The following HEY2 variants were observed in gnomAD, a reference collection of about 807,000 sequenced individuals.
HEY2 encodes hairy/enhancer-of-split related with YRPW motif protein 2.
A neutral mutation model predicts 18.1 loss-of-function variants in HEY2; 10 were observed. The observed-to-expected ratio is 0.55, with a 90% CI of 0.34 to 0.94. The LOEUF is 0.94. Ranked by LOEUF, HEY2 falls within the 40% of genes least tolerant of loss-of-function variation. The pLI is 0.02. For missense variants in HEY2, 455 were observed against 455.9 expected (o/e 1.00, Z 0.02); for synonymous variants, 210 against 182.7 (o/e 1.15, Z -1.21).
At position 125,749,835 on chromosome 6, in the gene HEY2, T is replaced by G. The variant is rs772929382; in HGVS notation, c.59T>G (p.Val20Gly). The G allele has an allele frequency of 6.4e-7, 1 of 1,574,632 alleles. No individual in the cohort carries two copies. The highest frequency in any genetic ancestry group is 1.2e-5 in the South Asian group (1 of 85,380). ...SESDMDETIDVGSENNYSGQS... is the reference protein window; with the variant it reads ...SESDMDETIDGGSENNYSGQS... ...AGCGACATGGACGAGACCATCGACG[T>G]GGGGAGCGAGAACAATTACTCGGGG... The change falls in exon 1 of 5, where the codon GTG becomes GGG. Residue 20 changes from valine to glycine, a missense_variant. Physicochemically the swap from Val to Gly is moderately radical, Grantham distance 109. Coordinates refer to ENST00000368364, the MANE Select transcript of HEY2 (RefSeq NM_012259.3).
Position 125,759,724 on chromosome 6 carries a change from G to C in HEY2, c.936G>C (p.Thr312=). The C allele has an allele frequency of 6.2e-7, 1 of 1,613,550 alleles. No homozygotes were observed. Among genetic ancestry groups the C allele is most frequent in the South Asian group, 1.1e-5 (1 of 91,084 alleles). ...AISPPLSVSA[T]SSPQQTSSGT... The stretch of plus-strand genomic sequence containing the variant: ...GCCCGCCCTTGTCAGTATCAGCCAC[G>C]TCCAGTCCTCAGCAGACCAGCAGTG... Residue 312 remains threonine, a synonymous_variant, in exon 5 of 5, where the codon ACG becomes ACC. Transcript: ENST00000368364.
rs1438729923 is a variant in HEY2, at chr6:125,760,737, A to G, written c.*935A>G. 1 of 152,466 alleles carries G rather than the reference A, an allele frequency of 6.6e-6. No individual in the cohort carries two copies. The highest frequency in any genetic ancestry group is 1.5e-5 in the Non-Finnish European group (1 of 68,008). 9.4% of individuals were successfully genotyped at this position (152,466 alleles called of 1,614,324 possible). Reference sequence around the variant, plus strand: ...TCATTAGGACTATTTTTATATATTTATCCTCTTCATTTTCTCCTAATGATG... The same window carrying G: ...TCATTAGGACTATTTTTATATATTTGTCCTCTTCATTTTCTCCTAATGATG... On this transcript the variant is annotated 3_prime_UTR_variant, in exon 5 of 5. Coordinates refer to ENST00000368364, the MANE Select transcript of HEY2 (RefSeq NM_012259.3).
chr6:125,752,038 A>G lies in HEY2; in HGVS notation c.194A>G (p.Asn65Ser). 1 of 1,614,066 alleles carries G rather than the reference A, an allele frequency of 6.2e-7. No homozygotes were observed. Among genetic ancestry groups the G allele is most frequent in the South Asian group, 1.1e-5 (1 of 91,078 alleles). ...IIEKRRRDRI[N>S]NSLSELRRLV... ...GAGAAAAGGCGTCGGGATCGGATAA[A>G]TAACAGTTTATCTGAGTTGAGAAGA... is the stretch of plus-strand genomic sequence containing the variant. The change falls in exon 3 of 5, where the codon AAT becomes AGT. Residue 65 changes from asparagine to serine, a missense_variant. Physicochemically the swap from Asn to Ser is conservative, Grantham distance 46. Coordinates refer to ENST00000368364, the MANE Select transcript of HEY2 (RefSeq NM_012259.3).
intron 4 of HEY2, among the ~76,000 whole-genome samples, chr6:125,755,553 T>G (rs1773638305): frequency 6.6e-6 from 1 of 152,120 alleles, no homozygotes; most frequent in Non-Finnish European, 1.5e-5. Flanking sequence ...GGCAGGACAT[T>G]GGAGGGAAGC....
chr6:125,749,873 C>A lies in HEY2; in HGVS notation c.83+14C>A, dbSNP rs1209705445. On this transcript the variant is annotated intron_variant, in intron 1 of 4. Coordinates refer to ENST00000368364, the MANE Select transcript of HEY2 (RefSeq NM_012259.3). ...CAATTACTCGGGGTGAGCGCGGGCT[C>A]CGCGGGAGCGGCCCGCAGCTCGGGA... 9 of 1,556,618 alleles carry A rather than the reference C, an allele frequency of 5.8e-6. No individual in the cohort carries two copies. In the South Asian group the frequency reaches 1.1e-4, roughly 18 times the overall value.
chr6:125,753,716 T>C (rs1397043511), intron 3 of HEY2, among the ~76,000 whole-genome samples: 1 of 152,140 alleles, frequency 6.6e-6, no homozygotes, highest in East Asian at 1.9e-4. Flanking sequence ...GACATAAAAA[T>C]ATATTTGCAA....
At chr6:125,755,086 C>G (rs1363382470) in intron 4 of HEY2, among the ~76,000 whole-genome samples, 2 of 152,128 alleles carry the variant, frequency 1.3e-5, no homozygotes, top group African/African-American at 4.8e-5. Context: ...TTAGACCAAA[C>G]AGAACAGTTG....
At position 125,760,093 on chromosome 6, in the gene HEY2, AGT is replaced by A; in HGVS notation, c.*293_*294del. On this transcript the variant is annotated 3_prime_UTR_variant, in exon 5 of 5. Coordinates refer to ENST00000368364, the MANE Select transcript of HEY2 (RefSeq NM_012259.3). ...AAATATATGGACCGTACCATCCAGC[AGT>A]GCATCAGTATGTCTGAATTGGGGAA... The A allele has an allele frequency of 2.5e-6, 1 of 403,210 alleles. No individual in the cohort carries two copies. The highest frequency in any genetic ancestry group is 4.5e-6 in the Non-Finnish European group (1 of 223,614). 25.0% of individuals were successfully genotyped at this position (403,210 alleles called of 1,614,324 possible). A position where few individuals can be genotyped will look rare whatever the true frequency, so the allele number is the denominator to read the frequency against.
rs141082567 is a variant in HEY2, at chr6:125,759,721, C to G, written c.933C>G (p.Ala311=). ...TAISPPLSVS[A]TSSPQQTSSG... ...TCAGCCCGCCCTTGTCAGTATCAGC[C>G]ACGTCCAGTCCTCAGCAGACCAGCA... Residue 311 remains alanine, a synonymous_variant, in exon 5 of 5, where the codon GCC becomes GCG. Coordinates refer to ENST00000368364, the MANE Select transcript of HEY2 (RefSeq NM_012259.3). 1.2e-5 allele frequency: 20 copies of G among 1,613,506 alleles called. No homozygotes were observed. In the African/African-American group the frequency reaches 2.7e-4, roughly 22 times the overall value.
At chr6:125,750,880 G>A (rs898048276) in intron 1 of HEY2, among the ~76,000 whole-genome samples, 2 of 152,184 alleles carry the variant, frequency 1.3e-5, no homozygotes, top group Non-Finnish European at 1.5e-5. Flanking sequence ...GCAACCTGGT[G>A]TGTGCAGCAT....
At chr6:125,751,938 A>AT in intron 2 of HEY2, 59 bp downstream of exon 2, 3 of 1,584,344 alleles carry the variant, frequency 1.9e-6, no homozygotes, top group Non-Finnish European at 2.6e-6. Flanking sequence ...TAACAGTTAC[A>AT]TTTTTTCATT....
At chr6:125,754,398 G>A in intron 3 of HEY2, 67 bp from the exon 4 acceptor site, 1 of 894,078 alleles carries the variant, frequency 1.1e-6, no homozygotes, top group South Asian at 2.1e-5. Flanking sequence ...GCTAAATTCA[G>A]TGTATAATGT....
rs768284413 is a variant in HEY2, at chr6:125,759,338, C to T, written c.550C>T (p.His184Tyr). The change falls in exon 5 of 5, where the codon CAC (histidine) becomes TAC (tyrosine). Residue 184 changes from histidine to tyrosine, a missense_variant. Coordinates refer to ENST00000368364, the MANE Select transcript of HEY2 (RefSeq NM_012259.3). ...CCACCATCATCCGCTCCACCCGCAT[C>T]ACTGGGCCGCCGCCTTCCACCACCT... is the stretch of plus-strand genomic sequence containing the variant. ...AHHHHPLHPHHWAAAFHHLPA... is the reference protein window; with the variant it reads ...AHHHHPLHPHYWAAAFHHLPA... The T allele has an allele frequency of 6.9e-6, 11 of 1,604,216 alleles. No homozygotes were observed. The highest frequency in any genetic ancestry group is 1.3e-5 in the African/African-American group (1 of 74,890).
At chr6:125,758,827 T>C (rs905707227) in intron 4 of HEY2, among the ~76,000 whole-genome samples, 1 of 152,216 alleles carries the variant, frequency 6.6e-6, no homozygotes, top group Non-Finnish European at 1.5e-5. Flanking sequence ...ACGCGGATGT[T>C]CTTAATTTTT....
rs374277236 is a variant in HEY2, at chr6:125,759,662, A to G, written c.874A>G (p.Asn292Asp). Residue 292 changes from asparagine (N) to aspartate (D), a missense_variant, in exon 5 of 5, where the codon AAC (asparagine) becomes GAC (aspartate). Asn to Asp is a conservative substitution (Grantham distance 23). Coordinates refer to ENST00000368364, the MANE Select transcript of HEY2 (RefSeq NM_012259.3). ...FAGAFPMLPP[N>D]AAAAVAAATA... is the part of the protein sequence containing the mutation. Reference sequence around the variant, plus strand: ...GGGGGCATTCCCCATGCTTCCCCCAAACGCAGCAGCAGCAGTGGCCGCGGC... The same window carrying G: ...GGGGGCATTCCCCATGCTTCCCCCAGACGCAGCAGCAGCAGTGGCCGCGGC... 86 of 1,611,832 alleles carry G rather than the reference A, an allele frequency of 5.3e-5. No homozygotes were observed. The highest frequency in any genetic ancestry group is 6.9e-5 in the Non-Finnish European group (82 of 1,179,974).
rs181415440 is a variant in HEY2 at position 125,760,458 on chromosome 6, G to C, written c.*656G>C. 6.6e-6 allele frequency: 1 copy of C among 152,350 alleles called. No individual in the cohort carries two copies. The highest frequency in any genetic ancestry group is 1.5e-5 in the Non-Finnish European group (1 of 68,186). The allele number at this position is 152,350 out of a possible 1,614,324, so 9.4% of individuals were successfully genotyped here. A position where few individuals can be genotyped will look rare whatever the true frequency, so the allele number is the denominator to read the frequency against. On this transcript the variant is annotated 3_prime_UTR_variant, in exon 5 of 5. Coordinates refer to ENST00000368364, the MANE Select transcript of HEY2 (RefSeq NM_012259.3). ...TCTTTGTACAGACATGCCAAGAGGTGACATTTAGCAGTGCATTGGTATAAG... is the reference window on the plus strand; with the variant it reads ...TCTTTGTACAGACATGCCAAGAGGTCACATTTAGCAGTGCATTGGTATAAG...
chr6:125,757,877 G>A (rs986860721), intron 4 of HEY2, among the ~76,000 whole-genome samples: 1 of 152,202 alleles, frequency 6.6e-6, no homozygotes, highest in African/African-American at 2.4e-5. Flanking sequence ...TTAACCCCAG[G>A]AGATGGAGCC....
Position 125,759,528 on chromosome 6 carries a change from C to T in HEY2, c.740C>T (p.Ala247Val). ...CGAATGCCATCCACGGGCAGCGTCG[C>T]CCCCTGCGTGCCACCTCTCTCCACC... ...ALRMPSTGSV[A>V]PCVPPLSTSL... Residue 247 changes from alanine to valine, a missense_variant, in exon 5 of 5, where the codon GCC (alanine) becomes GTC (valine). By Grantham distance (64) the Ala-to-Val change is moderately conservative. Transcript: ENST00000368364. 1 of 1,611,014 alleles carries T rather than the reference C, an allele frequency of 6.2e-7. No individual in the cohort carries two copies. Among genetic ancestry groups the T allele is most frequent in the Non-Finnish European group, 8.5e-7 (1 of 1,179,946 alleles).
chr6:125,755,368 C>G (rs1473143150), intron 4 of HEY2, among the ~76,000 whole-genome samples: 8 of 152,184 alleles, frequency 5.3e-5, no homozygotes. Flanking sequence ...CTTTTTCATC[C>G]TTCAAAGAAT....
Sources: allele counts gnomAD v4.1 joint callset (sites outside exome capture counted in the v4.1 genomes callset), GRCh38; gene constraint gnomAD v4.1.1; transcripts MANE v1.5; gene names NCBI Gene and HGNC (gene_info 2026-07-23, HGNC 2026-07-21).